ERI3: variants seen among roughly 807,000 people sequenced by gnomAD.
The protein encoded by ERI3 is ERI1 exoribonuclease 3.
A neutral mutation model predicts 44.4 loss-of-function variants in ERI3; 18 were observed. That is an observed-to-expected ratio of 0.41 (90% CI 0.28 to 0.60). The LOEUF (loss-of-function observed/expected upper bound fraction) is 0.60, where lower values mean the gene tolerates loss of function less well. ERI3 is among the 20% of genes least tolerant of loss of function. ERI3 has a pLI of 0.36. For synonymous variants in ERI3, 183 were observed against 164.8 expected, an observed-to-expected ratio of 1.11 and a Z score of -0.84; for missense variants, 294 against 435.5, an observed-to-expected ratio of 0.68 and a Z score of 2.89.
chr1:44,339,998 G>A (rs988013555), intron 2 of ERI3, among the ~76,000 whole-genome samples: 1 of 152,138 alleles, frequency 6.6e-6, no homozygotes, highest in African/African-American at 2.4e-5. Context: ...TGCAGCCTTA[G>A]GCCTTCTCAT....
intron 7 of ERI3, among the ~76,000 whole-genome samples, chr1:44,265,819 A>G (rs1211140801): frequency 6.6e-6 from 1 of 152,218 alleles, no homozygotes; most frequent in Admixed American, 6.5e-5. Flanking sequence ...AATTGCCAGA[A>G]TAGGCAAATT....
chr1:44,314,090 G>A (rs1292534058), intron 4 of ERI3, among the ~76,000 whole-genome samples: 1 of 151,928 alleles, frequency 6.6e-6, no homozygotes, highest in Non-Finnish European at 1.5e-5. Flanking sequence ...GCATGTCCCT[G>A]GCTACTTCCA....
At chr1:44,319,480 CTT>C (rs1337664551) in intron 4 of ERI3, 146 bp downstream of exon 4, 8 of 597,102 alleles carry the variant, frequency 1.3e-5, no homozygotes, top group Non-Finnish European at 2.4e-5. Context: ...GAGTGGCAGA[CTT>C]CATAAAACCT....
intron 3 of ERI3, among the ~76,000 whole-genome samples, chr1:44,334,433 G>A (rs1272979843): frequency 6.6e-6 from 1 of 152,142 alleles, no homozygotes; most frequent in Non-Finnish European, 1.5e-5. Context: ...TGCTAGCGAG[G>A]ACAAAGGAGG....
intron 7 of ERI3, among the ~76,000 whole-genome samples, chr1:44,281,878 ATGTGTGTGTGTGTGTGTGTGTG>A (rs10574197): frequency 2.5e-4 from 32 of 127,022 alleles, no homozygotes; most frequent in African/African-American, 7.6e-4. Flanking sequence ...ACATGTGCAT[ATGTGTGTGTGTGTGTGTGTGTG>A]TGTGTGTGTG....
At chr1:44,262,424 G>A (rs1644912716) in intron 7 of ERI3, among the ~76,000 whole-genome samples, 1 of 152,200 alleles carries the variant, frequency 6.6e-6, no homozygotes, top group Admixed American at 6.5e-5. Context: ...ATATTACCCT[G>A]TAGAGATGGT....
In ERI3 at chr1:44,284,041, G is replaced by A. The variant is rs1185028009; in HGVS notation, c.831+794C>T. 6.4e-6 allele frequency: 3 copies of A among 471,088 alleles called. No individual in the cohort carries two copies. In the Admixed American group the frequency reaches 7.0e-5, roughly 11 times the overall value. The allele number at this position is 471,088 out of a possible 1,614,324, so 29.2% of individuals were successfully genotyped here. A position where few individuals can be genotyped will look rare whatever the true frequency, so the allele number is the denominator to read the frequency against. On this transcript the variant is annotated intron_variant, in intron 7 of 8. Coordinates refer to ENST00000372257, the MANE Select transcript of ERI3 (RefSeq NM_024066.3). ...AGCTTCCTCTGACTGGTAGCATGAG[G>A]TTCCTGAGGCTGTTCCAGGACTGCT... is the stretch of plus-strand genomic sequence containing the variant.
chr1:44,240,824 G>A (rs766383702), intron 8 of ERI3, among the ~76,000 whole-genome samples: 3 of 152,170 alleles, frequency 2.0e-5, no homozygotes, highest in Non-Finnish European at 4.4e-5. Flanking sequence ...TAAGAGGAAG[G>A]GTCCAGAACC....
chr1:44,293,715 C>T lies in ERI3; in HGVS notation c.759-8808G>A, dbSNP rs549222082. Among the ~76,000 whole-genome samples the T allele has an allele frequency of 3.7e-4, 57 of 152,346 alleles. 1 individual carries two copies. Among genetic ancestry groups the T allele is most frequent in the Non-Finnish European group, 4.6e-4 (31 of 68,032 alleles). On this transcript the variant is annotated intron_variant, in intron 6 of 8. Coordinates refer to ENST00000372257, the MANE Select transcript of ERI3 (RefSeq NM_024066.3). ...ACTAGAAAGCAGTAAAGCCAGGAAT[C>T]GAAACTAGGTCTCTTCATTCTAAAA...
intron 4 of ERI3, among the ~76,000 whole-genome samples, chr1:44,313,633 C>T (rs1296766895): frequency 6.6e-6 from 1 of 152,152 alleles, no homozygotes; most frequent in African/African-American, 2.4e-5. Flanking sequence ...CACAGAAGTT[C>T]CCGTAAAACT....
At chr1:44,308,787 A>G (rs574286485) in intron 5 of ERI3, among the ~76,000 whole-genome samples, 1 of 152,340 alleles carries the variant, frequency 6.6e-6, no homozygotes, top group South Asian at 2.1e-4. Flanking sequence ...GGAGGCCCCA[A>G]ACAGGAGCTC....
intron 7 of ERI3, among the ~76,000 whole-genome samples, chr1:44,284,488 C>A (rs1645351955): frequency 6.6e-6 from 1 of 152,178 alleles, no homozygotes; most frequent in Admixed American, 6.5e-5. Context: ...CCCAGAGGCT[C>A]AGCTAGTGCC....
chr1:44,303,451 G>T (rs325148), intron 6 of ERI3, among the ~76,000 whole-genome samples: 2,090 of 152,342 alleles, frequency 0.014, 55 homozygotes, highest in African/African-American at 0.047. Flanking sequence ...TTATTCAACA[G>T]TTATTTATTG....
chr1:44,339,399 T>C, intron 2 of ERI3, 77 bp from the exon 3 acceptor site: 2 of 1,414,786 alleles, frequency 1.4e-6, no homozygotes, highest in Non-Finnish European at 1.9e-6. Flanking sequence ...GAGCCTGGGT[T>C]ACTCCCTCCC....
Position 44,336,829 on chromosome 1 carries a change from C to T in ERI3, c.489+2216G>A, listed in dbSNP as rs1218167536. Among the ~76,000 whole-genome samples the T allele has an allele frequency of 2.6e-5, 4 of 152,174 alleles. 1 individual carries two copies. Among genetic ancestry groups the T allele is most frequent in the East Asian group, 1.9e-4 (1 of 5,196 alleles). On this transcript the variant is annotated intron_variant, in intron 3 of 8. Transcript: ENST00000372257. ...ACCAGGGCAGCCAATTCCTTAAGTG[C>T]CCTTGGAATCACATCATCAGGGTTC... is the stretch of plus-strand genomic sequence containing the variant.
chr1:44,331,483 T>A (rs1646428766), intron 3 of ERI3, among the ~76,000 whole-genome samples: 1 of 152,102 alleles, frequency 6.6e-6, no homozygotes, highest in South Asian at 2.1e-4. Flanking sequence ...TTACACCATA[T>A]CCACTTTCAC....
At chr1:44,283,609 A>C (rs1004928579) in intron 7 of ERI3, among the ~76,000 whole-genome samples, 7 of 152,196 alleles carry the variant, frequency 4.6e-5, no homozygotes, top group Admixed American at 2.6e-4. Flanking sequence ...GCAGCTGCCC[A>C]GTTTCATGGG....
intron 6 of ERI3, among the ~76,000 whole-genome samples, chr1:44,287,848 C>A (rs1645426052): frequency 6.6e-6 from 1 of 152,260 alleles, no homozygotes; most frequent in South Asian, 2.1e-4. Flanking sequence ...AGGGGGCCAC[C>A]AGAAGCAGCA....
intron 7 of ERI3, among the ~76,000 whole-genome samples, chr1:44,251,869 T>C (rs1644687743): frequency 1.3e-5 from 2 of 152,150 alleles, no homozygotes; most frequent in Non-Finnish European, 2.9e-5. Flanking sequence ...ACTGCTCCCT[T>C]CCCTCTCCTG....
Sources: gnomAD v4.1 joint callset for allele counts (sites outside exome capture counted in the v4.1 genomes callset) on GRCh38, gnomAD v4.1.1 for gene constraint, MANE v1.5 for transcripts, NCBI Gene and HGNC (gene_info 2026-07-23, HGNC 2026-07-21) for gene names.